The following ARHGAP24 variants were observed in gnomAD, a reference collection of about 807,000 sequenced individuals.
The protein encoded by ARHGAP24 is rho GTPase-activating protein 24.
A neutral mutation model predicts 76.4 loss-of-function variants in ARHGAP24; 50 were observed. The ratio of observed to expected loss-of-function variants is 0.65; its 90% CI spans 0.52 to 0.83. ARHGAP24 has a LOEUF of 0.83. Ranked by LOEUF, ARHGAP24 falls within the 40% of genes least tolerant of loss-of-function variation. The probability of loss-of-function intolerance (pLI) is 0.00; values close to 1 mark genes in which losing one functional copy is unlikely to be tolerated. For missense variants in ARHGAP24, 930 were observed against 914.2 expected, an observed-to-expected ratio of 1.02 and a Z score of -0.22; for synonymous variants, 345 against 323.3, an observed-to-expected ratio of 1.07 and a Z score of -0.72.
chr4:85,995,267 A>G lies in ARHGAP24; in HGVS notation c.1613A>G (p.Gln538Arg), dbSNP rs1259088413. 6.2e-7 allele frequency: 1 copy of G among 1,614,076 alleles called. No homozygotes were observed. The highest frequency in any genetic ancestry group is 1.1e-5 in the South Asian group (1 of 91,070). Reference sequence around the variant, plus strand: ...TCCACCTATGATAATGTCCATCAACAGTTCTCCATGATGAACCTTGATGAC... The same window carrying G: ...TCCACCTATGATAATGTCCATCAACGGTTCTCCATGATGAACCTTGATGAC... ...RLSTYDNVHQQFSMMNLDDKQ... is the reference protein window; with the variant it reads ...RLSTYDNVHQRFSMMNLDDKQ... The change falls in exon 9 of 10, where the codon CAG (glutamine) becomes CGG (arginine). Residue 538 changes from glutamine (Q) to arginine (R), a missense_variant. Transcript: ENST00000395184.
chr4:85,792,799 T>G (rs779561285), intron 3 of ARHGAP24, among the ~76,000 whole-genome samples: 2 of 152,156 alleles, frequency 1.3e-5, no homozygotes, highest in Non-Finnish European at 2.9e-5. Flanking sequence ...AGTTTGAAGC[T>G]CTGTCAGATC....
intron 3 of ARHGAP24, among the ~76,000 whole-genome samples, chr4:85,877,012 T>C (rs1239463407): frequency 6.6e-6 from 1 of 152,214 alleles, no homozygotes; most frequent in African/African-American, 2.4e-5. Flanking sequence ...TACATTATCA[T>C]TAGGTTCAGT....
chr4:85,483,007 C>T (rs537952245), intron 1 of ARHGAP24, among the ~76,000 whole-genome samples: 363 of 152,242 alleles, frequency 2.4e-3, no homozygotes, highest in African/African-American at 8.3e-3. Flanking sequence ...TTGCATTCAC[C>T]GATTTTAACT....
intron 2 of ARHGAP24, among the ~76,000 whole-genome samples, chr4:85,632,391 C>T (rs1014420439): frequency 7.2e-5 from 11 of 151,978 alleles, no homozygotes; most frequent in Non-Finnish European, 1.6e-4. Context: ...GTTGTCCCAA[C>T]CTTTCTTTTC....
intron 1 of ARHGAP24, among the ~76,000 whole-genome samples, chr4:85,524,851 TAG>T (rs1724918118): frequency 1.3e-5 from 2 of 152,166 alleles, no homozygotes; most frequent in South Asian, 4.1e-4. Context: ...CTGTATAATA[TAG>T]ACCTAATATC....
At chr4:85,693,889 C>T (rs369270034) in intron 2 of ARHGAP24, among the ~76,000 whole-genome samples, 1 of 152,160 alleles carries the variant, frequency 6.6e-6, no homozygotes, top group South Asian at 2.1e-4. Context: ...CTGTCTCTGC[C>T]TACTCTCCAG....
intron 2 of ARHGAP24, among the ~76,000 whole-genome samples, chr4:85,694,671 G>T (rs1054480645): frequency 2.0e-5 from 3 of 152,092 alleles, no homozygotes; most frequent in African/African-American, 7.2e-5. Flanking sequence ...CTCTGTGTGT[G>T]TGTGTGTATA....
chr4:85,512,577 G>A (rs570520158), intron 1 of ARHGAP24, among the ~76,000 whole-genome samples: 1 of 152,086 alleles, frequency 6.6e-6, no homozygotes, highest in Non-Finnish European at 1.5e-5. Context: ...ATACTGAATC[G>A]ACCAGGTCTT....
At chr4:85,716,514 G>T (rs568856826) in intron 2 of ARHGAP24, among the ~76,000 whole-genome samples, 1 of 152,072 alleles carries the variant, frequency 6.6e-6, no homozygotes, top group South Asian at 2.1e-4. Flanking sequence ...TATCAAAAAG[G>T]TTCCATTTCC....
At chr4:85,864,745 G>T (rs897260161) in intron 3 of ARHGAP24, among the ~76,000 whole-genome samples, 1 of 152,074 alleles carries the variant, frequency 6.6e-6, no homozygotes, top group East Asian at 1.9e-4. Context: ...TCTGCAATGA[G>T]TAAGAGCAGT....
intron 2 of ARHGAP24, among the ~76,000 whole-genome samples, chr4:85,715,162 G>A (rs912330952): frequency 1.7e-4 from 26 of 151,944 alleles, no homozygotes; most frequent in African/African-American, 6.3e-4. Context: ...AACATCAAAC[G>A]CTATGGTATT....
chr4:85,779,632 G>C (rs1727450121), intron 3 of ARHGAP24, among the ~76,000 whole-genome samples: 1 of 151,616 alleles, frequency 6.6e-6, no homozygotes, highest in African/African-American at 2.4e-5. Flanking sequence ...GCTTATCTTA[G>C]TGTAAGCTCA....
At chr4:85,961,856 T>C (rs1035121598) in intron 5 of ARHGAP24, among the ~76,000 whole-genome samples, 3 of 152,076 alleles carry the variant, frequency 2.0e-5, no homozygotes, top group African/African-American at 7.2e-5. Context: ...AATACTTCTC[T>C]TGGGAAGTCC....
At chr4:85,883,810 A>G (rs570352453) in intron 3 of ARHGAP24, among the ~76,000 whole-genome samples, 1 of 152,182 alleles carries the variant, frequency 6.6e-6, no homozygotes, top group South Asian at 2.1e-4. Flanking sequence ...TTTTTCTTTC[A>G]TTTGGGTCTT....
chr4:85,516,030 A>T (rs1301428912), intron 1 of ARHGAP24, among the ~76,000 whole-genome samples: 1 of 152,170 alleles, frequency 6.6e-6, no homozygotes, highest in African/African-American at 2.4e-5. Context: ...GAGAAAAAAA[A>T]AATTCCCAGC....
At chr4:85,921,182 G>A (rs1408264960) in intron 3 of ARHGAP24, among the ~76,000 whole-genome samples, 1 of 152,048 alleles carries the variant, frequency 6.6e-6, no homozygotes, top group Non-Finnish European at 1.5e-5. Flanking sequence ...CGTACACCAC[G>A]GAACACTATG....
At chr4:85,595,247 T>C (rs193207649) in intron 2 of ARHGAP24, among the ~76,000 whole-genome samples, 15 of 152,246 alleles carry the variant, frequency 9.9e-5, no homozygotes, top group Admixed American at 5.2e-4. Context: ...TTCCTTTCCA[T>C]GCAGAGACCC....
chr4:85,547,759 T>C (rs1168112351), intron 1 of ARHGAP24, among the ~76,000 whole-genome samples: 2 of 152,200 alleles, frequency 1.3e-5, no homozygotes, highest in Non-Finnish European at 2.9e-5. Flanking sequence ...TTGATCACTG[T>C]GTCTGCCAGG....
intron 1 of ARHGAP24, among the ~76,000 whole-genome samples, chr4:85,546,060 C>G (rs1253708144): frequency 6.6e-6 from 1 of 152,010 alleles, no homozygotes; most frequent in Non-Finnish European, 1.5e-5. Flanking sequence ...CTTTTTGTAC[C>G]TTAGTTTCCC....
Sources: allele counts gnomAD v4.1 joint callset (sites outside exome capture counted in the v4.1 genomes callset), GRCh38; gene constraint gnomAD v4.1.1; transcripts MANE v1.5; gene names NCBI Gene and HGNC (gene_info 2026-07-23, HGNC 2026-07-21).